PCDHGA4: variants seen among roughly 807,000 people sequenced by gnomAD.
PCDHGA4 encodes protocadherin gamma-A4.
PCDHGA4 carries 38 observed loss-of-function variants against 54.6 expected under a neutral mutation model. That is an observed-to-expected ratio of 0.70 (90% CI 0.54 to 0.91). The LOEUF (loss-of-function observed/expected upper bound fraction) is 0.91, where lower values mean the gene tolerates loss of function less well. PCDHGA4 is among the 40% of genes least tolerant of loss of function. The pLI, the probability that PCDHGA4 is intolerant of heterozygous loss-of-function variation, is 0.00. For missense variants in PCDHGA4, 1,298 were observed against 1,220.9 expected (o/e 1.06, Z -0.94); for synonymous variants, 511 against 512.9 (o/e 1.00, Z 0.05).
chr5:141,464,343 A>C (rs944042669), intron 1 of PCDHGA4, among the ~76,000 whole-genome samples: 7 of 151,212 alleles, frequency 4.6e-5, no homozygotes, highest in African/African-American at 1.5e-4. Context: ...ATGACTTGTC[A>C]TTTAGGTAGT....
chr5:141,409,599 C>T (rs753753955), intron 1 of PCDHGA4: 22 of 1,613,822 alleles, frequency 1.4e-5, no homozygotes, highest in Non-Finnish European at 1.8e-5. Flanking sequence ...GAGAACAACC[C>T]GCCAGGAGCC....
chr5:141,419,763 A>T, intron 1 of PCDHGA4: 1 of 1,614,014 alleles, frequency 6.2e-7, no homozygotes, highest in South Asian at 1.1e-5. Flanking sequence ...TTGGGTGACA[A>T]GGACTCGGTC....
At chr5:141,393,138 C>G (rs2092688516) in intron 1 of PCDHGA4, 1 of 1,613,196 alleles carries the variant, frequency 6.2e-7, no homozygotes, top group Non-Finnish European at 8.5e-7. Flanking sequence ...TATTAACACC[C>G]TGGTTGAGGA....
At chr5:141,361,084 C>CT in intron 1 of PCDHGA4, 2 of 1,613,986 alleles carry the variant, frequency 1.2e-6, no homozygotes, top group Non-Finnish European at 1.7e-6. Flanking sequence ...TAGTTACACT[C>CT]TGAGTATCGA....
At chr5:141,404,662 T>G (rs1314002801) in intron 1 of PCDHGA4, 1 of 1,614,208 alleles carries the variant, frequency 6.2e-7, no homozygotes, top group East Asian at 2.2e-5. Flanking sequence ...TCCCCACTGA[T>G]GGTTCTACTG....
chr5:141,489,477 G>C lies in PCDHGA4; in HGVS notation c.2515-5330G>C, dbSNP rs2154581232. 1.9e-6 allele frequency: 3 copies of C among 1,614,108 alleles called. No homozygotes were observed. Among genetic ancestry groups the C allele is most frequent in the Non-Finnish European group, 2.5e-6 (3 of 1,180,034 alleles). ...ATGGGCGCTATTTTTCCCTGAGCTT[G>C]ATGAGTGGTGCCCTGGCAGTGAATC... is the stretch of plus-strand genomic sequence containing the variant. On this transcript the variant is annotated intron_variant, in intron 1 of 3. Coordinates refer to ENST00000571252, the MANE Select transcript of PCDHGA4 (RefSeq NM_018917.4). This position sits in a 1 kb window ranked among gnomAD's most constrained non-coding sequence, Gnocchi z 4.5.
At chr5:141,435,334 T>C (rs1223377462) in intron 1 of PCDHGA4, among the ~76,000 whole-genome samples, 1 of 152,196 alleles carries the variant, frequency 6.6e-6, no homozygotes, top group East Asian at 1.9e-4. Context: ...ATATAGTGAA[T>C]TTATTTCTTC....
intron 1 of PCDHGA4, chr5:141,404,337 C>A (rs766940096): frequency 6.2e-6 from 10 of 1,613,902 alleles, no homozygotes; most frequent in Middle Eastern, 3.3e-4. Flanking sequence ...GTCTACCTCC[C>A]GGAAAACAAC....
intron 1 of PCDHGA4, chr5:141,384,943 G>A (rs777478209): frequency 5.6e-6 from 9 of 1,613,996 alleles, no homozygotes; most frequent in African/African-American, 2.7e-5. Context: ...TGAGCCCTCC[G>A]ACGGTCCTTA....
At position 141,423,043 on chromosome 5, in the gene PCDHGA4, T is replaced by C. The variant is rs940921497; in HGVS notation, c.2514+65422T>C. 10 of 1,614,058 alleles carry C rather than the reference T, an allele frequency of 6.2e-6. No homozygotes were observed. The Admixed American group carries it at 1.5e-4, about 24-fold the overall frequency. ...AGATTCAGGCCAGAACGCCTGGCTG[T>C]CCTATCGCCTGCTTAAGGCCAGCGA... is the stretch of plus-strand genomic sequence containing the variant. On this transcript the variant is annotated intron_variant, in intron 1 of 3. Transcript: ENST00000571252.
At chr5:141,448,305 A>C (rs910461420) in intron 1 of PCDHGA4, among the ~76,000 whole-genome samples, 1 of 152,092 alleles carries the variant, frequency 6.6e-6, no homozygotes, top group East Asian at 1.9e-4. Context: ...TTAATATCTC[A>C]AGGAATCTTT....
At chr5:141,376,255 G>A (rs1380740739) in intron 1 of PCDHGA4, 6 of 1,614,256 alleles carry the variant, frequency 3.7e-6, no homozygotes, top group Non-Finnish European at 3.4e-6. Context: ...AGTCACGCCT[G>A]CTGCAGGCTT....
intron 1 of PCDHGA4, chr5:141,365,783 GCTCGAGTCAC>G (rs1561535325): frequency 6.2e-7 from 1 of 1,613,842 alleles, no homozygotes; most frequent in Admixed American, 1.7e-5. Flanking sequence ...CGGCGACAAC[GCTCGAGTCAC>G]CTACTCCCTG....
rs765397942 is a variant in PCDHGA4, at chr5:141,371,419, A to G, written c.2514+13798A>G. On this transcript the variant is annotated intron_variant, in intron 1 of 3. Transcript: ENST00000571252. ...CAGATAGATATTTCAGATGAAAATG[A>G]CAATGCCCCGGAGATAACCCTGGCT... The G allele has an allele frequency of 3.1e-6, 5 of 1,613,904 alleles. No individual in the cohort carries two copies. The African/African-American group carries it at 6.7e-5, about 22-fold the overall frequency.
intron 1 of PCDHGA4, chr5:141,433,201 CTTCT>C (rs759014851): frequency 3.9e-5 from 61 of 1,573,466 alleles, no homozygotes; most frequent in Admixed American, 1.2e-4. Flanking sequence ...TATATCAAAT[CTTCT>C]TTCTTTTTTT....
chr5:141,412,285 C>T (rs957716949), intron 1 of PCDHGA4: 3 of 152,194 alleles, frequency 2.0e-5, no homozygotes, highest in Non-Finnish European at 4.4e-5. Context: ...TCAAATTCTA[C>T]GTATTTCTTT....
At chr5:141,492,404 T>C (rs944864208) in intron 1 of PCDHGA4, among the ~76,000 whole-genome samples, 9 of 152,316 alleles carry the variant, frequency 5.9e-5, no homozygotes, top group African/African-American at 1.9e-4. Context: ...GCAGCTCCCC[T>C]CTGCCGCTCC....
At chr5:141,495,446 C>A (rs1165861519) in intron 2 of PCDHGA4, among the ~76,000 whole-genome samples, 1 of 152,220 alleles carries the variant, frequency 6.6e-6, no homozygotes, top group African/African-American at 2.4e-5. Flanking sequence ...CCCTACTTGT[C>A]CTGCTCTCTG....
Position 141,397,948 on chromosome 5 carries a change from C to T in PCDHGA4, c.2514+40327C>T, listed in dbSNP as rs139631080. The T allele has an allele frequency of 7.9e-4, 721 of 913,614 alleles. 6 individuals are homozygous for T. The African/African-American group carries it at 0.01, about 13-fold the overall frequency. The allele number at this position is 913,614 out of a possible 1,614,324, so 56.6% of individuals were successfully genotyped here. On this transcript the variant is annotated intron_variant, in intron 1 of 3. Coordinates refer to ENST00000571252, the MANE Select transcript of PCDHGA4 (RefSeq NM_018917.4). Reference sequence around the variant, plus strand: ...CGCAGCCGCAGCGCGCTTTCCAGGGCAGCCCCAGCTCAGACTCCCCAGCGC... The same window carrying T: ...CGCAGCCGCAGCGCGCTTTCCAGGGTAGCCCCAGCTCAGACTCCCCAGCGC...
Sources: gnomAD v4.1 joint callset for allele counts (sites outside exome capture counted in the v4.1 genomes callset) on GRCh38, gnomAD v4.1.1 for gene constraint, Gnocchi (gnomAD v3.1) non-coding constraint, MANE v1.5 for transcripts, NCBI Gene and HGNC (gene_info 2026-07-23, HGNC 2026-07-21) for gene names.